Variants in HLTF observed in about 807,000 individuals in gnomAD.
The protein encoded by HLTF is DNA-dependent ATPase/E3 ubiquitin-protein ligase HLTF.
HLTF carries 127 observed loss-of-function variants against 129.4 expected under a neutral mutation model. The observed-to-expected ratio is 0.98, with a 90% CI of 0.85 to 1.14. The LOEUF (loss-of-function observed/expected upper bound fraction) is 1.14. Ranked by LOEUF, HLTF falls within the 50% of genes most tolerant of loss-of-function variation. The pLI is 0.00. For synonymous variants in HLTF, 332 were observed against 388.8 expected (o/e 0.85, Z 1.72); for missense variants, 1,139 against 1,187.1 (o/e 0.96, Z 0.60).
At chr3:149,058,649 T>C (rs541619689) in intron 13 of HLTF, among the ~76,000 whole-genome samples, 99 of 152,332 alleles carry the variant, frequency 6.5e-4, no homozygotes, top group African/African-American at 2.3e-3. Flanking sequence ...ATTTAATCAA[T>C]CTTTTCCTTA....
At position 149,073,310 on chromosome 3, in the gene HLTF, T is replaced by C. The variant is rs199662968; in HGVS notation, c.542A>G (p.Asn181Ser). Residue 181 changes from asparagine to serine, a missense_variant, in exon 5 of 25, where the codon AAT becomes AGT. Physicochemically the swap from Asn to Ser is conservative, Grantham distance 46. Coordinates refer to ENST00000310053, the MANE Select transcript of HLTF (RefSeq NM_003071.4). The part of the protein sequence containing the change: ...LGPAPKTLGF[N>S]LESGWGSGRA... ...TCCAGAGCCCCAACCACTTTCCAAA[T>C]TGAATCCTAAAGCTATAATTTACAA... 69 of 1,609,108 alleles carry C rather than the reference T, an allele frequency of 4.3e-5. No individual in the cohort carries two copies. Among genetic ancestry groups the C allele is most frequent in the Admixed American group, 1.0e-4 (6 of 59,720 alleles).
At chr3:149,047,618 G>C (rs959412397) in intron 17 of HLTF, among the ~76,000 whole-genome samples, 1 of 152,100 alleles carries the variant, frequency 6.6e-6, no homozygotes, top group Non-Finnish European at 1.5e-5. Flanking sequence ...CTCCAGCATG[G>C]ACGACAGAGC....
chr3:149,046,524 T>C (rs1415432249), intron 17 of HLTF, among the ~76,000 whole-genome samples: 2 of 152,162 alleles, frequency 1.3e-5, no homozygotes, highest in Non-Finnish European at 2.9e-5. Flanking sequence ...TTTTCGTAAG[T>C]TCTGTTCCCC....
intron 10 of HLTF, among the ~76,000 whole-genome samples, chr3:149,061,814 C>A (rs1181768872): frequency 2.1e-5 from 3 of 142,268 alleles, no homozygotes; most frequent in South Asian, 2.2e-4. Context: ...CCAGCCTGGG[C>A]GACAGGAGCA....
Position 149,085,016 on chromosome 3 carries a change from TAGTTACTC to T in HLTF, c.21-135_21-128del, listed in dbSNP as rs1204395513. On this transcript the variant is annotated intron_variant, in intron 1 of 24. Transcript: ENST00000310053. ...ACATGGGAATCACGGTAAAGATTAATAGTTACTCTCGTTAAAGCAGGAATTGCAGTGAG... is the reference window on the plus strand; with the variant it reads ...ACATGGGAATCACGGTAAAGATTAATTCGTTAAAGCAGGAATTGCAGTGAG... 5 of 687,932 alleles carry T rather than the reference TAGTTACTC, an allele frequency of 7.3e-6. No homozygotes were observed. The Admixed American group carries it at 1.1e-4, about 16-fold the overall frequency. The allele number at this position is 687,932 out of a possible 1,614,324, so 42.6% of individuals were successfully genotyped here. A position where few individuals can be genotyped will look rare whatever the true frequency, so the allele number is the denominator to read the frequency against.
At chr3:149,073,626 C>G (rs920454354) in intron 4 of HLTF, among the ~76,000 whole-genome samples, 2 of 152,114 alleles carry the variant, frequency 1.3e-5, no homozygotes, top group Non-Finnish European at 2.9e-5. Context: ...CCCAGGAGGT[C>G]AAGGTTGCAC....
At chr3:149,043,430 A>G (rs1366052814) in intron 18 of HLTF, among the ~76,000 whole-genome samples, 2 of 151,938 alleles carry the variant, frequency 1.3e-5, no homozygotes, top group South Asian at 2.1e-4. Context: ...ACAGAAAACA[A>G]TATTTAAAGA....
rs116280880 is a variant in HLTF, at chr3:149,032,513, A to T, written c.2878-141T>A. The T allele has an allele frequency of 5.1e-3, 2,626 of 513,860 alleles. 53 individuals carry two copies. The highest frequency in any genetic ancestry group is 0.047 in the African/African-American group (2,367 of 50,192). The allele number at this position is 513,860 out of a possible 1,614,324, so 31.8% of individuals were successfully genotyped here. ...CAAACTATAATAACTATTTAATAGA[A>T]CTGAACTTTGCTTTCCTTACCCAAT... On this transcript the variant is annotated intron_variant, in intron 24 of 24. Transcript: ENST00000310053.
rs773266678 is a variant in HLTF at position 149,032,389 on chromosome 3, A to G, written c.2878-17T>C. ...TACAATGAACTTTAAAAAGAAAAAAAAAAGTTAAGTAGTTTTTAAGGCATA... is the reference window on the plus strand; with the variant it reads ...TACAATGAACTTTAAAAAGAAAAAAGAAAGTTAAGTAGTTTTTAAGGCATA... On this transcript the variant is annotated splice_polypyrimidine_tract_variant and intron_variant, in intron 24 of 24. Transcript: ENST00000310053. 1 of 1,416,414 alleles carries G rather than the reference A, an allele frequency of 7.1e-7. No individual in the cohort carries two copies. Among genetic ancestry groups the G allele is most frequent in the East Asian group, 2.5e-5 (1 of 40,596 alleles). 87.7% of individuals were successfully genotyped at this position (1,416,414 alleles called of 1,614,324 possible).
chr3:149,036,296 G>GGTTTTTTT (rs1715616194), intron 23 of HLTF, among the ~76,000 whole-genome samples: 1 of 57,584 alleles, frequency 1.7e-5, no homozygotes, highest in Non-Finnish European at 3.2e-5. Flanking sequence ...AAAACTATGA[G>GGTTTTTTT]GTTTTTTTTT....
intron 14 of HLTF, among the ~76,000 whole-genome samples, chr3:149,052,913 C>G (rs1219691184): frequency 6.6e-6 from 1 of 152,142 alleles, no homozygotes; most frequent in African/African-American, 2.4e-5. Context: ...GTTACTCCAT[C>G]TCTAGACAGT....
intron 24 of HLTF, among the ~76,000 whole-genome samples, chr3:149,032,758 C>T (rs555256037): frequency 2.6e-5 from 4 of 152,072 alleles, no homozygotes; most frequent in Admixed American, 6.5e-5. Context: ...GTCAGGAGAT[C>T]GAGACCATCC....
chr3:149,079,870 C>T (rs1035623713), intron 2 of HLTF, among the ~76,000 whole-genome samples: 6 of 152,190 alleles, frequency 3.9e-5, no homozygotes, highest in African/African-American at 1.4e-4. Context: ...GGATTACAGG[C>T]GTGAGCCACC....
Position 149,075,947 on chromosome 3 carries a change from T to C in HLTF, c.329A>G (p.His110Arg). 6.3e-7 allele frequency: 1 copy of C among 1,597,910 alleles called. No homozygotes were observed. The highest frequency in any genetic ancestry group is 8.6e-7 in the Non-Finnish European group (1 of 1,165,926). Residue 110 changes from histidine (H) to arginine (R), a missense_variant, in exon 3 of 25, where the codon CAT becomes CGT. By Grantham distance (29) the His-to-Arg change is conservative. Transcript: ENST00000310053. ...VNNVNGNQVGHLKKELAGALA... is the reference protein window; with the variant it reads ...VNNVNGNQVGRLKKELAGALA... ...AGCACCTGCAAGCTCTTTCTTTAAA[T>C]GGCCAACTTGATTTCCATTCACATT...
intron 23 of HLTF, among the ~76,000 whole-genome samples, chr3:149,037,310 A>T (rs908653082): frequency 6.6e-6 from 1 of 152,006 alleles, no homozygotes; most frequent in East Asian, 1.9e-4. Context: ...CTCTACTAAA[A>T]ATGCAAAAAT....
intron 10 of HLTF, 68 bp downstream of exon 10, chr3:149,063,363 A>G (rs1047434665): frequency 9.3e-7 from 1 of 1,077,738 alleles, no homozygotes; most frequent in Non-Finnish European, 1.4e-6. Context: ...CCCAGCCTCT[A>G]TCTCTTTTAC....
At chr3:149,063,702 T>C (rs1396607290) in intron 9 of HLTF, among the ~76,000 whole-genome samples, 178 bp from the exon 10 acceptor site, 1 of 152,140 alleles carries the variant, frequency 6.6e-6, no homozygotes, top group Admixed American at 6.5e-5. Context: ...TCATTTCTAA[T>C]TAGAAAGTAC....
intron 18 of HLTF, among the ~76,000 whole-genome samples, chr3:149,045,431 T>A (rs1473749227): frequency 1.3e-5 from 2 of 152,206 alleles, no homozygotes; most frequent in African/African-American, 4.8e-5. Flanking sequence ...TTTTTGTCTG[T>A]TTTATTCTGC....
intron 23 of HLTF, among the ~76,000 whole-genome samples, chr3:149,038,497 AT>A (rs1038478667): frequency 4.0e-5 from 6 of 151,562 alleles, no homozygotes; most frequent in African/African-American, 1.5e-4. Flanking sequence ...AAAACAGAGC[AT>A]TTTTTTTCTT....
Sources: allele counts gnomAD v4.1 joint callset (sites outside exome capture counted in the v4.1 genomes callset), GRCh38; gene constraint gnomAD v4.1.1; transcripts MANE v1.5; gene names NCBI Gene and HGNC (gene_info 2026-07-23, HGNC 2026-07-21).